Variants in SLC17A8 observed in about 807,000 individuals in gnomAD.
SLC17A8 encodes solute carrier family 17 member 8, also known as vesicular glutamate transporter 3.
Under a neutral mutation model 58.0 loss-of-function variants are expected in SLC17A8, and 31 were observed. The observed-to-expected ratio is 0.53, with a 90% CI of 0.40 to 0.72. SLC17A8 has a LOEUF of 0.72. Ranked by LOEUF, SLC17A8 falls within the 30% of genes least tolerant of loss-of-function variation. SLC17A8 has a pLI of 0.00. For missense variants in SLC17A8, 655 were observed against 727.8 expected (o/e 0.90, Z 1.15); for synonymous variants, 228 against 249.0 (o/e 0.92, Z 0.79).
At position 100,380,811 on chromosome 12, in the gene SLC17A8, G is replaced by A. The variant is rs146126248; in HGVS notation, c.212G>A (p.Gly71Asp). 1 of 1,613,990 alleles carries A rather than the reference G, an allele frequency of 6.2e-7. No homozygotes were observed. The highest frequency in any genetic ancestry group is 1.3e-5 in the African/African-American group (1 of 74,894). The change falls in exon 2 of 12, where the codon GGC (glycine) becomes GAC (aspartate). Residue 71 changes from glycine (G) to aspartate (D), a missense_variant. Gly to Asp is a moderately conservative substitution (Grantham distance 94, BLOSUM62 -1). Transcript: ENST00000323346. ...SPPLCDCHCC[G>D]LPKRYIIAIM... ...CCACTCTGCGACTGCCACTGCTGCG[G>A]CCTCCCCAAGCGTTACATCATTGCT...
intron 9 of SLC17A8, among the ~76,000 whole-genome samples, chr12:100,411,249 G>A (rs570138288): frequency 1.3e-5 from 2 of 152,206 alleles, no homozygotes; most frequent in South Asian, 4.1e-4. Context: ...ACCACCTGAG[G>A]TCAGGAGTGG....
chr12:100,390,503 C>T (rs959326005), intron 2 of SLC17A8, among the ~76,000 whole-genome samples: 29 of 152,026 alleles, frequency 1.9e-4, no homozygotes, highest in African/African-American at 6.5e-4. Context: ...CCCGCCACCA[C>T]GCCCGGCTAA....
At chr12:100,401,570 C>G (rs968118655) in intron 5 of SLC17A8, among the ~76,000 whole-genome samples, 7 of 152,042 alleles carry the variant, frequency 4.6e-5, no homozygotes, top group Non-Finnish European at 1.0e-4. Context: ...TGTGTGGTCT[C>G]TGGATGAAGT....
At chr12:100,401,672 C>A in intron 5 of SLC17A8, 105 bp from the exon 6 acceptor site, 1 of 962,420 alleles carries the variant, frequency 1.0e-6, no homozygotes, top group East Asian at 2.4e-5. Context: ...CAGTCTGATT[C>A]CTGCTCAGTT....
At chr12:100,393,146 G>A (rs924547226) in intron 3 of SLC17A8, among the ~76,000 whole-genome samples, 2 of 152,132 alleles carry the variant, frequency 1.3e-5, no homozygotes, top group African/African-American at 4.8e-5. Context: ...TGTATTTTTA[G>A]TAGAGATGGG....
At chr12:100,389,364 G>A (rs2135993424) in intron 2 of SLC17A8, among the ~76,000 whole-genome samples, 1 of 152,172 alleles carries the variant, frequency 6.6e-6, no homozygotes, top group African/African-American at 2.4e-5. Context: ...CACATCCTAT[G>A]GATAGGTAGA....
chr12:100,402,281 A>C, intron 6 of SLC17A8, 59 bp from the exon 7 acceptor site: 1 of 1,601,826 alleles, frequency 6.2e-7, no homozygotes, highest in South Asian at 1.1e-5. Context: ...AAAATTGAAA[A>C]ATTTAGAAAC....
intron 1 of SLC17A8, among the ~76,000 whole-genome samples, chr12:100,361,418 T>C (rs1460455120): frequency 6.6e-6 from 1 of 152,250 alleles, no homozygotes; most frequent in Non-Finnish European, 1.5e-5. Flanking sequence ...CCAGATAGCC[T>C]GATGGCTCAT....
At chr12:100,395,903 G>A (rs1293217328) in intron 4 of SLC17A8, among the ~76,000 whole-genome samples, 1 of 152,206 alleles carries the variant, frequency 6.6e-6, no homozygotes, top group Admixed American at 6.5e-5. Flanking sequence ...GTGAGCCACC[G>A]CTCCTGGCCT....
chr12:100,374,695 C>T (rs1253902582), intron 1 of SLC17A8, among the ~76,000 whole-genome samples: 23 of 152,180 alleles, frequency 1.5e-4, no homozygotes, highest in Admixed American at 1.5e-3. Flanking sequence ...CATTTTGATG[C>T]TCCCCTTTTG....
At chr12:100,405,221 T>G (rs1007672114) in intron 9 of SLC17A8, among the ~76,000 whole-genome samples, 7 of 152,166 alleles carry the variant, frequency 4.6e-5, no homozygotes, top group African/African-American at 1.7e-4. Flanking sequence ...GCTTGAACTT[T>G]CTTGTAGAGG....
chr12:100,393,480 G>C lies in SLC17A8; in HGVS notation c.585G>C (p.Val195=), dbSNP rs1592999264. Residue 195 remains valine, a synonymous_variant, in exon 4 of 12, where the codon GTG becomes GTC. Coordinates refer to ENST00000323346, the MANE Select transcript of SLC17A8 (RefSeq NM_139319.3). ...GTGTCAGAATTCTGCAAGGTTTAGT[G>C]GAGGTAGGAGATACTTTCCTTACAG... ...VMCVRILQGL[V]EGVTYPACHG... is the part of the protein sequence containing the mutation. The C allele has an allele frequency of 1.9e-6, 3 of 1,607,148 alleles. No individual in the cohort carries two copies. The highest frequency in any genetic ancestry group is 1.7e-5 in the Admixed American group (1 of 59,944).
rs75599713 is a variant in SLC17A8, at chr12:100,420,230, T to C, written c.*71T>C. 0.072 allele frequency: 93,098 copies of C among 1,289,324 alleles called. 3,919 individuals carry two copies. Among genetic ancestry groups the C allele is most frequent in the South Asian group, 0.097 (7,562 of 78,098 alleles). 79.9% of individuals were successfully genotyped at this position (1,289,324 alleles called of 1,614,324 possible). A position where few individuals can be genotyped will look rare whatever the true frequency, so the allele number is the denominator to read the frequency against. On this transcript the variant is annotated 3_prime_UTR_variant, in exon 12 of 12. Coordinates refer to ENST00000323346, the MANE Select transcript of SLC17A8 (RefSeq NM_139319.3). ...GTATCCATACCTATTGCCTTTCTTG[T>C]AGCCCAGCTTGCCAGAGGTCCAAAT... is the stretch of plus-strand genomic sequence containing the variant.
rs186680913 is a variant in SLC17A8, at chr12:100,377,293, T to C, written c.102-3408T>C. On this transcript the variant is annotated intron_variant, in intron 1 of 11. Transcript: ENST00000323346. ...ACGGTGAGGATTAACGTAATAAAAA[T>C]AGCTGGTATATGTTGCTTTTTATTA... 2.4e-3 allele frequency among the ~76,000 whole-genome samples: 368 copies of C among 152,240 alleles called. 1 individual carries two copies. Among genetic ancestry groups the C allele is most frequent in the Middle Eastern group, 6.8e-3 (2 of 294 alleles).
chr12:100,359,402 A>G (rs1220431667), intron 1 of SLC17A8, among the ~76,000 whole-genome samples: 1 of 152,226 alleles, frequency 6.6e-6, no homozygotes, highest in Non-Finnish European at 1.5e-5. Context: ...GCTTAGGGAT[A>G]TAACAAAATT....
intron 3 of SLC17A8, among the ~76,000 whole-genome samples, 157 bp downstream of exon 3, chr12:100,391,276 TC>T (rs1952714276): frequency 6.6e-6 from 1 of 151,966 alleles, no homozygotes; most frequent in South Asian, 2.1e-4. Flanking sequence ...ATGACCCTGA[TC>T]TTAATTTATT....
intron 1 of SLC17A8, among the ~76,000 whole-genome samples, chr12:100,363,228 C>T (rs1016802292): frequency 1.3e-5 from 2 of 152,148 alleles, no homozygotes; most frequent in Non-Finnish European, 2.9e-5. Flanking sequence ...CTCCTCAGAG[C>T]CTAAGCTGAA....
Position 100,392,061 on chromosome 12 carries a change from C to G in SLC17A8, c.473+942C>G, listed in dbSNP as rs146562112. On this transcript the variant is annotated intron_variant, in intron 3 of 11. Transcript: ENST00000323346. ...GTATTCAAGCAGAGGAGGATGGCCA[C>G]TTGGGGGAGATGTTGTAGAATGTAT... Among the ~76,000 whole-genome samples the G allele has an allele frequency of 2.0e-5, 3 of 152,200 alleles. No individual in the cohort carries two copies. In the East Asian group the frequency reaches 5.8e-4, roughly 29 times the overall value.
rs376350311 is a variant in SLC17A8 at position 100,380,822 on chromosome 12, C to T, written c.223C>T (p.Arg75Cys). Residue 75 changes from arginine to cysteine, a missense_variant, in exon 2 of 12, where the codon CGT becomes TGT. Transcript: ENST00000323346. ...CTGCCACTGCTGCGGCCTCCCCAAG[C>T]GTTACATCATTGCTATCATGAGTGG... ...CDCHCCGLPKRYIIAIMSGLG... is the reference protein window; with the variant it reads ...CDCHCCGLPKCYIIAIMSGLG... The T allele has an allele frequency of 4.6e-5, 75 of 1,614,112 alleles. No homozygotes were observed. Among genetic ancestry groups the T allele is most frequent in the Non-Finnish European group, 5.7e-5 (67 of 1,180,030 alleles).
Sources: gnomAD v4.1 joint callset for allele counts (sites outside exome capture counted in the v4.1 genomes callset) on GRCh38, gnomAD v4.1.1 for gene constraint, MANE v1.5 for transcripts, NCBI Gene and HGNC (gene_info 2026-07-23, HGNC 2026-07-21) for gene names.